CNTNAP5: variants seen among roughly 807,000 people sequenced by gnomAD.
The protein encoded by CNTNAP5 is contactin associated protein family member 5, also known as contactin-associated protein-like 5.
In CNTNAP5, 72 loss-of-function variants were observed where a neutral mutation model predicts 150.2. The observed-to-expected ratio is 0.48, with a 90% CI of 0.40 to 0.58. CNTNAP5 has a LOEUF of 0.58. Ranked by LOEUF, CNTNAP5 falls within the 20% of genes least tolerant of loss-of-function variation. The pLI, the probability that CNTNAP5 is intolerant of heterozygous loss-of-function variation, is 0.00. For missense variants in CNTNAP5, 1,636 were observed against 1,626.2 expected, an observed-to-expected ratio of 1.01 and a Z score of -0.10; for synonymous variants, 672 against 619.8, an observed-to-expected ratio of 1.08 and a Z score of -1.25.
At chr2:124,202,398 A>C (rs556892857) in intron 1 of CNTNAP5, among the ~76,000 whole-genome samples, 1 of 152,292 alleles carries the variant, frequency 6.6e-6, no homozygotes, top group African/African-American at 2.4e-5. Flanking sequence ...TGGTTTTTAA[A>C]ATGTTAACTT....
chr2:124,409,919 A>G (rs1396213447), intron 3 of CNTNAP5, among the ~76,000 whole-genome samples: 2 of 151,050 alleles, frequency 1.3e-5, no homozygotes, highest in African/African-American at 2.4e-5. Context: ...TCCAATTAAA[A>G]GACACAGACT....
intron 1 of CNTNAP5, among the ~76,000 whole-genome samples, chr2:124,139,757 G>A (rs1481924886): frequency 6.6e-6 from 1 of 152,100 alleles, no homozygotes; most frequent in African/African-American, 2.4e-5. Flanking sequence ...GGGAAGATTT[G>A]ATATTTTAAA....
At chr2:124,388,687 T>TTTTC (rs1690998014) in intron 3 of CNTNAP5, among the ~76,000 whole-genome samples, 2 of 152,144 alleles carry the variant, frequency 1.3e-5, no homozygotes, top group Non-Finnish European at 2.9e-5. Context: ...CGGGGCCTTT[T>TTTTC]TTTTCTTTTC....
At chr2:124,333,976 G>A (rs1349672445) in intron 3 of CNTNAP5, among the ~76,000 whole-genome samples, 2 of 152,100 alleles carry the variant, frequency 1.3e-5, no homozygotes, top group African/African-American at 2.4e-5. Context: ...CCCAAAGGTC[G>A]AGTGTCCTCT....
At position 124,635,064 on chromosome 2, in the gene CNTNAP5, C is replaced by T. The variant is rs75414135; in HGVS notation, c.1877-12694C>T. 2.2e-3 allele frequency among the ~76,000 whole-genome samples: 338 copies of T among 152,246 alleles called. 2 individuals are homozygous for T. The highest frequency in any genetic ancestry group is 7.6e-3 in the African/African-American group (315 of 41,536). On this transcript the variant is annotated intron_variant, in intron 12 of 23. Transcript: ENST00000682447. ...TTTTCTACAGTAGTCCATTCTTGCA[C>T]TGCTGTAAGGAAATACTTGAGACTG...
intron 1 of CNTNAP5, among the ~76,000 whole-genome samples, chr2:124,215,121 A>G (rs192605439): frequency 6.7e-6 from 1 of 149,624 alleles, no homozygotes; most frequent in Admixed American, 6.9e-5. Flanking sequence ...CGTTGTAGGC[A>G]CTCCACAAAA....
intron 1 of CNTNAP5, among the ~76,000 whole-genome samples, chr2:124,202,382 A>G (rs543423723): frequency 2.0e-5 from 3 of 152,206 alleles, no homozygotes; most frequent in Non-Finnish European, 4.4e-5. Context: ...TTTTGAAGGA[A>G]AACTTTGGTT....
At chr2:124,314,295 G>A (rs1311086393) in intron 3 of CNTNAP5, among the ~76,000 whole-genome samples, 1 of 152,114 alleles carries the variant, frequency 6.6e-6, no homozygotes, top group Non-Finnish European at 1.5e-5. Flanking sequence ...AGTCTTCAGG[G>A]GTAAAGGAAA....
At chr2:124,308,970 C>T (rs1688756486) in intron 3 of CNTNAP5, among the ~76,000 whole-genome samples, 1 of 152,150 alleles carries the variant, frequency 6.6e-6, no homozygotes, top group African/African-American at 2.4e-5. Flanking sequence ...TCCAGTGCCC[C>T]AACTTATCCA....
chr2:124,120,134 G>C (rs1683527353), intron 1 of CNTNAP5, among the ~76,000 whole-genome samples: 1 of 152,188 alleles, frequency 6.6e-6, no homozygotes. Flanking sequence ...AGAGTCTGAT[G>C]CAAGTGACAG....
intron 5 of CNTNAP5, among the ~76,000 whole-genome samples, chr2:124,440,345 C>CT (rs201247734): frequency 1.3e-4 from 19 of 151,474 alleles, no homozygotes; most frequent in African/African-American, 2.7e-4. Flanking sequence ...TCAAGAATGA[C>CT]TTTTTTTTTG....
Position 124,865,781 on chromosome 2 carries a change from T to A in CNTNAP5, c.3348+345T>A, listed in dbSNP as rs144466268. On this transcript the variant is annotated intron_variant, in intron 20 of 23. Transcript: ENST00000682447. ...CAAAATAGTGAAACCCCATCTCTAC[T>A]AAAAATACAAAAATTAGCCAGGTGT... 2.9e-3 allele frequency among the ~76,000 whole-genome samples: 438 copies of A among 151,422 alleles called. 2 individuals carry two copies. Among genetic ancestry groups the A allele is most frequent in the African/African-American group, 9.6e-3 (394 of 41,208 alleles).
chr2:124,709,216 G>T (rs898179200), intron 13 of CNTNAP5, among the ~76,000 whole-genome samples: 9 of 138,580 alleles, frequency 6.5e-5, no homozygotes, highest in African/African-American at 2.4e-4. Context: ...GGGGAGGGAG[G>T]GTGTGTGTGT....
chr2:124,226,699 G>A (rs1686468245), intron 2 of CNTNAP5, among the ~76,000 whole-genome samples: 2 of 151,942 alleles, frequency 1.3e-5, no homozygotes, highest in African/African-American at 4.8e-5. Flanking sequence ...GCTAAAACTG[G>A]GTAATTTACA....
intron 21 of CNTNAP5, among the ~76,000 whole-genome samples, chr2:124,872,489 CT>C: frequency 6.7e-6 from 1 of 149,064 alleles, no homozygotes; most frequent in African/African-American, 2.6e-5. Context: ...TTAAGACACT[CT>C]CCTCAAAATA....
At chr2:124,091,076 C>T (rs149775119) in intron 1 of CNTNAP5, among the ~76,000 whole-genome samples, 57 of 152,218 alleles carry the variant, frequency 3.7e-4, no homozygotes, top group African/African-American at 1.2e-3. Flanking sequence ...AGCGAAAATG[C>T]AGGGCCTGGA....
chr2:124,426,103 AGAATGTATTTCTGCT>A (rs1195566784), intron 4 of CNTNAP5, among the ~76,000 whole-genome samples: 1 of 152,170 alleles, frequency 6.6e-6, no homozygotes, highest in Non-Finnish European at 1.5e-5. Context: ...TGTTAGAGCT[AGAATGTATTTCTGCT>A]GAGGTTACGA....
intron 19 of CNTNAP5, among the ~76,000 whole-genome samples, chr2:124,812,251 G>T (rs573654165): frequency 6.9e-6 from 1 of 144,184 alleles, no homozygotes; most frequent in Non-Finnish European, 1.5e-5. Flanking sequence ...AATAGTTCAT[G>T]CTAAGGCTAG....
intron 1 of CNTNAP5, among the ~76,000 whole-genome samples, chr2:124,077,870 T>C (rs942404007): frequency 3.9e-5 from 6 of 152,222 alleles, no homozygotes; most frequent in African/African-American, 1.2e-4. Context: ...AACTGAGAAC[T>C]ATTCCTTTGG....
Sources: gnomAD v4.1 joint callset for allele counts (sites outside exome capture counted in the v4.1 genomes callset) on GRCh38, gnomAD v4.1.1 for gene constraint, MANE v1.5 for transcripts, NCBI Gene and HGNC (gene_info 2026-07-23, HGNC 2026-07-21) for gene names.